The following ROR1 variants were observed in gnomAD, a reference collection of about 807,000 sequenced individuals.
ROR1 encodes the protein inactive tyrosine-protein kinase transmembrane receptor ROR1.
Under a neutral mutation model 78.8 loss-of-function variants are expected in ROR1, and 19 were observed. The observed-to-expected ratio is 0.24, with a 90% CI of 0.17 to 0.35. The LOEUF (loss-of-function observed/expected upper bound fraction) is 0.35, where lower values mean the gene tolerates loss of function less well. Ranked by LOEUF, ROR1 falls within the 10% of genes least tolerant of loss-of-function variation. ROR1 has a pLI of 1.00. For missense variants in ROR1, 917 were observed against 1,177.8 expected, an observed-to-expected ratio of 0.78 and a Z score of 3.24; for synonymous variants, 386 against 433.6, an observed-to-expected ratio of 0.89 and a Z score of 1.36.
At chr1:64,067,803 C>G (rs139336100) in intron 4 of ROR1, among the ~76,000 whole-genome samples, 3,317 of 150,322 alleles carry the variant, frequency 0.022, 77 homozygotes, top group African/African-American at 0.065. Flanking sequence ...AGCTCCGCCT[C>G]CCGGGTTCAA....
chr1:63,913,666 C>T (rs117475223), intron 1 of ROR1, among the ~76,000 whole-genome samples: 18 of 152,286 alleles, frequency 1.2e-4, no homozygotes, highest in Middle Eastern at 3.4e-3. Flanking sequence ...TTCTTAGCTG[C>T]GCTCAGTGTG....
intron 1 of ROR1, among the ~76,000 whole-genome samples, chr1:63,799,333 G>A (rs980257214): frequency 7.9e-5 from 12 of 152,118 alleles, no homozygotes; most frequent in African/African-American, 2.9e-4. Context: ...TCATGATCTA[G>A]CCATAGCCTA....
At chr1:63,788,894 G>T in intron 1 of ROR1, 1 of 881,464 alleles carries the variant, frequency 1.1e-6, no homozygotes, top group Non-Finnish European at 1.8e-6. Context: ...TGTTCCATGA[G>T]AATCGCTTGT....
rs1569792178 is a variant in ROR1 at position 63,836,012 on chromosome 1, G to T, written c.91+61504G>T. Among the ~76,000 whole-genome samples, 3 of 152,320 alleles carry T rather than the reference G, an allele frequency of 2.0e-5. 1 individual carries two copies. In the South Asian group the frequency reaches 6.2e-4, roughly 32 times the overall value. On this transcript the variant is annotated intron_variant, in intron 1 of 8. Coordinates refer to ENST00000371079, the MANE Select transcript of ROR1 (RefSeq NM_005012.4). The stretch of plus-strand genomic sequence containing the variant: ...CTTGATTCTATTGTCTCCCAGCAGA[G>T]ATTTTATAATTTGAAAACATTGTTC...
At chr1:64,089,710 A>C (rs1463139096) in intron 4 of ROR1, among the ~76,000 whole-genome samples, 2 of 152,178 alleles carry the variant, frequency 1.3e-5, no homozygotes, top group Non-Finnish European at 1.5e-5. Flanking sequence ...TTTGGCCAAA[A>C]CTTAAAGTTT....
chr1:63,937,810 A>T (rs574450892), intron 1 of ROR1, among the ~76,000 whole-genome samples: 1 of 152,312 alleles, frequency 6.6e-6, no homozygotes, highest in South Asian at 2.1e-4. Context: ...ATTGCAAAGG[A>T]GGAAACTACT....
At chr1:63,934,388 A>C (rs1036745099) in intron 1 of ROR1, among the ~76,000 whole-genome samples, 2 of 152,162 alleles carry the variant, frequency 1.3e-5, no homozygotes, top group African/African-American at 2.4e-5. Context: ...GGTGACACCA[A>C]CCTCATGGAC....
At chr1:64,061,354 A>G (rs1471325550) in intron 4 of ROR1, among the ~76,000 whole-genome samples, 2 of 152,132 alleles carry the variant, frequency 1.3e-5, no homozygotes, top group African/African-American at 4.8e-5. Context: ...TTCCCTTCCT[A>G]TATTTATAAG....
chr1:63,787,141 C>T (rs1025595287), intron 1 of ROR1, among the ~76,000 whole-genome samples: 2 of 152,104 alleles, frequency 1.3e-5, no homozygotes, highest in African/African-American at 4.8e-5. Context: ...CAGACTCTTT[C>T]CTCTTTTCAT....
intron 4 of ROR1, among the ~76,000 whole-genome samples, chr1:64,055,637 T>C (rs190437053): frequency 3.3e-5 from 5 of 152,366 alleles, no homozygotes; most frequent in Admixed American, 3.3e-4. Flanking sequence ...TTTACTCTCA[T>C]TACATATATT....
intron 1 of ROR1, among the ~76,000 whole-genome samples, chr1:63,808,155 A>T (rs181559413): frequency 3.3e-5 from 5 of 152,234 alleles, no homozygotes; most frequent in Admixed American, 3.3e-4. Flanking sequence ...GCAGCTGAAT[A>T]TGGTCATGTG....
At chr1:64,102,235 G>A (rs578025030) in intron 4 of ROR1, among the ~76,000 whole-genome samples, 3 of 152,300 alleles carry the variant, frequency 2.0e-5, no homozygotes, top group South Asian at 4.1e-4. Context: ...AAGAAGGAGC[G>A]TGGAAAGTAT....
At chr1:63,797,357 G>C (rs971050884) in intron 1 of ROR1, among the ~76,000 whole-genome samples, 3 of 152,196 alleles carry the variant, frequency 2.0e-5, no homozygotes, top group Non-Finnish European at 4.4e-5. Flanking sequence ...TTTTTCTGCT[G>C]TGCCCGATTT....
chr1:64,137,022 A>C (rs984631691), intron 4 of ROR1, among the ~76,000 whole-genome samples: 1 of 152,166 alleles, frequency 6.6e-6, no homozygotes, highest in Non-Finnish European at 1.5e-5. Context: ...CTTAAAAAAC[A>C]AAAAACTGTA....
At chr1:64,000,611 C>T (rs1646374939) in intron 1 of ROR1, among the ~76,000 whole-genome samples, 1 of 152,126 alleles carries the variant, frequency 6.6e-6, no homozygotes. Flanking sequence ...ACAAACAAAA[C>T]AAATAACGAC....
At position 63,815,484 on chromosome 1, in the gene ROR1, CT is replaced by C. The variant is rs34749985; in HGVS notation, c.91+40992del. Among the ~76,000 whole-genome samples the C allele has an allele frequency of 7.9e-3, 674 of 85,244 alleles. 4 individuals carry two copies. Among genetic ancestry groups the C allele is most frequent in the African/African-American group, 0.028 (398 of 14,166 alleles). The allele number at this position is 85,244 out of a possible 152,430, so 55.9% of individuals were successfully genotyped here. On this transcript the variant is annotated intron_variant, in intron 1 of 8. Transcript: ENST00000371079. Reference sequence around the variant, plus strand: ...TTTTCTTTTCTTTTCTTTTCTTTTTCTTTTTTTTTTTTTTTTGAGTACTCAT... The same window carrying C: ...TTTTCTTTTCTTTTCTTTTCTTTTTCTTTTTTTTTTTTTTTGAGTACTCAT...
intron 1 of ROR1, among the ~76,000 whole-genome samples, chr1:63,919,583 G>C (rs553620123): frequency 4.0e-5 from 6 of 150,806 alleles, no homozygotes; most frequent in Admixed American, 2.7e-4. Flanking sequence ...CACAGAGACA[G>C]CAGAGCATAA....
At chr1:64,000,621 CA>C (rs1646375082) in intron 1 of ROR1, among the ~76,000 whole-genome samples, 2 of 152,154 alleles carry the variant, frequency 1.3e-5, no homozygotes, top group Non-Finnish European at 2.9e-5. Flanking sequence ...CAAATAACGA[CA>C]AAAAGAACTA....
intron 1 of ROR1, among the ~76,000 whole-genome samples, chr1:63,859,613 G>A (rs751181402): frequency 2.6e-5 from 4 of 152,154 alleles, no homozygotes; most frequent in African/African-American, 4.8e-5. Flanking sequence ...TATAAGTAGC[G>A]GGGTCAGTCG....
Sources: allele counts gnomAD v4.1 joint callset (sites outside exome capture counted in the v4.1 genomes callset), GRCh38; gene constraint gnomAD v4.1.1; transcripts MANE v1.5; gene names NCBI Gene and HGNC (gene_info 2026-07-23, HGNC 2026-07-21).